The following SLC36A1 variants were observed in gnomAD, a reference collection of about 807,000 sequenced individuals.
SLC36A1 encodes the protein proton-coupled amino acid transporter 1.
A neutral mutation model predicts 47.5 loss-of-function variants in SLC36A1; 30 were observed. That is an observed-to-expected ratio of 0.63 (90% confidence interval 0.47 to 0.86). SLC36A1 has a LOEUF of 0.86. SLC36A1 is among the 40% of genes least tolerant of loss of function. SLC36A1 has a pLI of 0.00. For missense variants in SLC36A1, 517 were observed against 606.0 expected (o/e 0.85, Z 1.54); for synonymous variants, 255 against 249.7 (o/e 1.02, Z -0.20).
chr5:151,478,835 T>TC (rs1758427888), intron 9 of SLC36A1, among the ~76,000 whole-genome samples: 1 of 152,078 alleles, frequency 6.6e-6, no homozygotes, highest in African/African-American at 2.4e-5. Flanking sequence ...TCTTTTTTCT[T>TC]TTTTAAGACA....
At chr5:151,525,667 C>T in the SLC36A1 span, 2 of 1,358,674 alleles carry the variant, frequency 1.5e-6, no homozygotes, top group South Asian at 1.2e-5. Context: ...ATCCTAAGTG[C>T]TTTGTACATT....
chr5:151,549,713 T>G, the SLC36A1 span, among the ~76,000 whole-genome samples: 755 of 152,350 alleles, frequency 5.0e-3, 7 homozygotes, highest in African/African-American at 0.018. Flanking sequence ...GCTCAGCTGT[T>G]TTAATGGATA....
the SLC36A1 span, among the ~76,000 whole-genome samples, chr5:151,540,407 C>G: frequency 6.6e-6 from 1 of 151,798 alleles, no homozygotes; most frequent in Non-Finnish European, 1.5e-5. Flanking sequence ...GCCCCTCACT[C>G]TCTGTTCTCC....
chr5:151,541,554 A>G, the SLC36A1 span, among the ~76,000 whole-genome samples: 8 of 152,282 alleles, frequency 5.3e-5, no homozygotes, highest in African/African-American at 1.9e-4. Context: ...AGCCATGTTC[A>G]TGGGAATGGG....
the SLC36A1 span, chr5:151,510,095 G>A: frequency 1.2e-6 from 2 of 1,614,184 alleles, no homozygotes; most frequent in East Asian, 4.5e-5. Flanking sequence ...CACCTTCCAG[G>A]CAGGGTGCAA....
the SLC36A1 span, chr5:151,544,949 T>C: frequency 5.6e-6 from 9 of 1,614,082 alleles, no homozygotes; most frequent in African/African-American, 2.7e-5. Context: ...ACATCCTCAA[T>C]AGAGACTCTG....
chr5:151,372,360 A>G, the SLC36A1 span, among the ~76,000 whole-genome samples: 1 of 152,360 alleles, frequency 6.6e-6, no homozygotes, highest in South Asian at 2.1e-4. Flanking sequence ...TGGAAAATTC[A>G]TCAGAGAGAT....
intron 2 of SLC36A1, among the ~76,000 whole-genome samples, chr5:151,460,183 C>T (rs1755297404): frequency 6.6e-6 from 1 of 152,184 alleles, no homozygotes; most frequent in Non-Finnish European, 1.5e-5. Flanking sequence ...CAGCCAATGG[C>T]ATGTGATGGC....
At chr5:151,453,073 G>A (rs963828640) in intron 1 of SLC36A1, among the ~76,000 whole-genome samples, 10 of 150,700 alleles carry the variant, frequency 6.6e-5, no homozygotes, top group Non-Finnish European at 1.0e-4. Flanking sequence ...TTGTGGTGGC[G>A]CATGTCCGTA....
intron 1 of SLC36A1, among the ~76,000 whole-genome samples, chr5:151,449,630 A>G (rs755227358): frequency 2.0e-5 from 3 of 152,186 alleles, no homozygotes; most frequent in Non-Finnish European, 4.4e-5. Flanking sequence ...TTATTTTATA[A>G]TATTCTGGAG....
At chr5:151,545,111 A>G in the SLC36A1 span, 1 of 1,614,208 alleles carries the variant, frequency 6.2e-7, no homozygotes, top group East Asian at 2.2e-5. Flanking sequence ...GTGCCATTCA[A>G]GAGAAAGTAG....
intron 10 of SLC36A1, 118 bp downstream of exon 10, chr5:151,479,607 A>C: frequency 8.3e-7 from 1 of 1,203,918 alleles, no homozygotes; most frequent in South Asian, 1.5e-5. Flanking sequence ...TGTGACAGAG[A>C]ACCTGGCCCA....
In SLC36A1 at chr5:151,464,505, T is replaced by C; in HGVS notation, c.235-9T>C. 1 of 1,612,628 alleles carries C rather than the reference T, an allele frequency of 6.2e-7. No homozygotes were observed. Among genetic ancestry groups the C allele is most frequent in the East Asian group, 2.2e-5 (1 of 44,884 alleles). On this transcript the variant is annotated splice_polypyrimidine_tract_variant and intron_variant, in intron 3 of 10. Coordinates refer to ENST00000243389, the MANE Select transcript of SLC36A1 (RefSeq NM_078483.4). ...CTCTCTCTCTTTTGCCTGCAATATC[T>C]GTCCCCAGATGGGTCCCATCAGCCT...
the SLC36A1 span, among the ~76,000 whole-genome samples, chr5:151,360,909 A>G: frequency 6.6e-6 from 1 of 152,172 alleles, no homozygotes; most frequent in East Asian, 1.9e-4. Context: ...AATTTCTCCA[A>G]GATCCATATC....
chr5:151,399,084 A>ATATATATATATTT, the SLC36A1 span, among the ~76,000 whole-genome samples: 140 of 60,026 alleles, frequency 2.3e-3, no homozygotes, highest in African/African-American at 7.0e-3. Context: ...ATATATATAT[A>ATATATATATATTT]TTTTTTTTTT....
the SLC36A1 span, chr5:151,507,216 G>A: frequency 4.2e-5 from 67 of 1,612,530 alleles, no homozygotes; most frequent in Non-Finnish European, 4.8e-5. Context: ...GGAAGGGACC[G>A]CAGCTGGCGG....
the SLC36A1 span, among the ~76,000 whole-genome samples, chr5:151,551,976 GGTGTGTGT>G: frequency 1.8e-4 from 26 of 143,648 alleles, no homozygotes; most frequent in Middle Eastern, 3.5e-3. Context: ...TAACCCTAAG[GGTGTGTGT>G]GTGTGTGTGT....
At chr5:151,551,530 C>G in the SLC36A1 span, 1 of 1,614,228 alleles carries the variant, frequency 6.2e-7, no homozygotes, top group Non-Finnish European at 8.5e-7. Context: ...TCGACCTTCT[C>G]CTGGTATCAA....
At chr5:151,480,291 T>C (rs758661381) in intron 10 of SLC36A1, 28 of 436,802 alleles carry the variant, frequency 6.4e-5, no homozygotes, top group Non-Finnish European at 9.6e-5. Flanking sequence ...GGCTTTTTTT[T>C]CTCTTTTTAG....
Sources: allele counts gnomAD v4.1 joint callset (sites outside exome capture counted in the v4.1 genomes callset), GRCh38; gene constraint gnomAD v4.1.1; transcripts MANE v1.5; gene names NCBI Gene and HGNC (gene_info 2026-07-23, HGNC 2026-07-21).